The following MFSD6 variants were observed in gnomAD, a reference collection of about 807,000 sequenced individuals.
MFSD6 encodes the protein major facilitator superfamily domain-containing protein 6.
A neutral mutation model predicts 56.3 loss-of-function variants in MFSD6; 26 were observed. That is an observed-to-expected ratio of 0.46 (90% CI 0.34 to 0.64). The LOEUF is 0.64. Among genes scored for constraint, MFSD6 ranks in the 30% least tolerant of loss-of-function variants. The pLI is 0.01. For synonymous variants in MFSD6, 331 were observed against 366.9 expected (o/e 0.90, Z 1.12); for missense variants, 750 against 986.2 (o/e 0.76, Z 3.21).
chr2:190,460,870 A>G (rs574685131), intron 3 of MFSD6, among the ~76,000 whole-genome samples: 1 of 152,302 alleles, frequency 6.6e-6, no homozygotes, highest in South Asian at 2.1e-4. Context: ...ATGTTTTATA[A>G]TAGAATCTTC....
intron 4 of MFSD6, among the ~76,000 whole-genome samples, chr2:190,474,281 G>A (rs537279157): frequency 6.6e-6 from 1 of 152,232 alleles, no homozygotes; most frequent in South Asian, 2.1e-4. Context: ...CCAGGAGCTG[G>A]TTTTTTGAAA....
At position 190,454,517 on chromosome 2, in the gene MFSD6, CTT is replaced by C. The variant is rs1390835614; in HGVS notation, c.1533-15237_1533-15236del. On this transcript the variant is annotated intron_variant, in intron 3 of 7. Transcript: ENST00000392328. This position sits in a 1 kb window ranked among gnomAD's most constrained non-coding sequence, Gnocchi z 4.6. ...CTAGAGAGCTTGCTTGTGTACGACT[CTT>C]TTTCTCTTTCTTTACCCTTCCCTCT... 6.6e-6 allele frequency: 1 copy of C among 152,162 alleles called. No homozygotes were observed. The highest frequency in any genetic ancestry group is 1.5e-5 in the Non-Finnish European group (1 of 68,112). The allele number at this position is 152,162 out of a possible 1,614,324, so 9.4% of individuals were successfully genotyped here.
chr2:190,437,684 A>C lies in MFSD6; in HGVS notation c.1532+123A>C. 1 of 1,170,576 alleles carries C rather than the reference A, an allele frequency of 8.5e-7. No homozygotes were observed. Among genetic ancestry groups the C allele is most frequent in the Non-Finnish European group, 1.2e-6 (1 of 851,034 alleles). 72.5% of individuals were successfully genotyped at this position (1,170,576 alleles called of 1,614,324 possible). On this transcript the variant is annotated intron_variant, in intron 3 of 7. Coordinates refer to ENST00000392328, the MANE Select transcript of MFSD6 (RefSeq NM_017694.4). This position sits in a 1 kb window ranked among gnomAD's most constrained non-coding sequence, Gnocchi z 5.9. The stretch of plus-strand genomic sequence containing the variant: ...GTGTTGAGGATAGGGTTGGAGTGGA[A>C]ATGGGGATTTCTGTTTCTTTTCCTC...
intron 3 of MFSD6, chr2:190,464,860 G>C (rs769355030): frequency 6.5e-5 from 51 of 779,026 alleles, no homozygotes; most frequent in Non-Finnish European, 7.7e-5. Context: ...CTTAATAAAT[G>C]TTTATTGAGC....
At position 190,488,862 on chromosome 2, in the gene MFSD6, C is replaced by T. The variant is rs1167909746; in HGVS notation, c.1792+44C>T. 2.0e-6 allele frequency: 3 copies of T among 1,482,174 alleles called. No homozygotes were observed. The highest frequency in any genetic ancestry group is 2.7e-6 in the Non-Finnish European group (3 of 1,111,542). The allele number at this position is 1,482,174 out of a possible 1,614,324, so 91.8% of individuals were successfully genotyped here. A position where few individuals can be genotyped will look rare whatever the true frequency, so the allele number is the denominator to read the frequency against. The stretch of plus-strand genomic sequence containing the variant: ...TTTTTTTTCTTTTCTATTATTAAAA[C>T]ATGATTTTTTCCAGCAATACCTCAA... On this transcript the variant is annotated intron_variant, in intron 5 of 7. Coordinates refer to ENST00000392328, the MANE Select transcript of MFSD6 (RefSeq NM_017694.4). The surrounding 1 kb of genome is among the most constrained non-coding windows in gnomAD (Gnocchi z 6.4).
intron 4 of MFSD6, among the ~76,000 whole-genome samples, chr2:190,481,663 C>G (rs879710894): frequency 3.9e-5 from 6 of 152,208 alleles, no homozygotes; most frequent in Admixed American, 3.9e-4. Context: ...ATTTTCAAAG[C>G]CTAGCAGGCT....
At chr2:190,435,939 T>G in intron 2 of MFSD6, 38 bp from the exon 3 acceptor site, 2 of 1,469,142 alleles carry the variant, frequency 1.4e-6, no homozygotes, top group Non-Finnish European at 1.8e-6. Flanking sequence ...ATGTTATGAT[T>G]TTCATTACTA....
At chr2:190,476,196 G>A (rs1417962173) in intron 4 of MFSD6, among the ~76,000 whole-genome samples, 3 of 152,086 alleles carry the variant, frequency 2.0e-5, no homozygotes, top group African/African-American at 4.8e-5. Flanking sequence ...GGCAACAAAA[G>A]CCAAAATTGA....
chr2:190,445,518 G>A, intron 3 of MFSD6, among the ~76,000 whole-genome samples: 1 of 145,602 alleles, frequency 6.9e-6, no homozygotes, highest in African/African-American at 2.5e-5. Flanking sequence ...TTCTGACTCT[G>A]CCAGCCTTTC....
chr2:190,473,741 C>T (rs1688099544), intron 4 of MFSD6, among the ~76,000 whole-genome samples: 1 of 152,202 alleles, frequency 6.6e-6, no homozygotes, highest in South Asian at 2.1e-4. Flanking sequence ...CTACAGAACT[C>T]TCCACCCCAA....
intron 2 of MFSD6, among the ~76,000 whole-genome samples, chr2:190,421,735 ATT>A (rs397758029): frequency 1.3e-5 from 2 of 151,176 alleles, no homozygotes; most frequent in South Asian, 4.2e-4. Context: ...TAAAAAAAAA[ATT>A]TTTTTTAAAG....
chr2:190,427,516 A>T (rs761917638), intron 2 of MFSD6, among the ~76,000 whole-genome samples: 3 of 152,072 alleles, frequency 2.0e-5, no homozygotes, highest in Non-Finnish European at 2.9e-5. Context: ...ACCTATCTTC[A>T]CCCATCAGTA....
In MFSD6 at chr2:190,424,599, G is replaced by T. The variant is rs1168962750; in HGVS notation, c.-54+9186G>T. On this transcript the variant is annotated intron_variant, in intron 2 of 7. Transcript: ENST00000392328. The surrounding 1 kb of genome is among the most constrained non-coding windows in gnomAD (Gnocchi z 5.9). ...ATCCGTCCACCTCGGCCACCAAAGT[G>T]CTGGGATTACAGGCGTGAGCCACTG... 6.6e-6 allele frequency among the ~76,000 whole-genome samples: 1 copy of T among 152,162 alleles called. No homozygotes were observed. Among genetic ancestry groups the T allele is most frequent in the Non-Finnish European group, 1.5e-5 (1 of 68,036 alleles).
In MFSD6 at chr2:190,418,384, G is replaced by A. The variant is rs1690876588; in HGVS notation, c.-54+2971G>A. 6.6e-6 allele frequency among the ~76,000 whole-genome samples: 1 copy of A among 152,162 alleles called. No homozygotes were observed. Among genetic ancestry groups the A allele is most frequent in the Admixed American group, 6.5e-5 (1 of 15,272 alleles). The stretch of plus-strand genomic sequence containing the variant: ...GAAGTGCAAATATGTTGTCAAGATG[G>A]GGCAACCAAGGTTGTGAATCAGCTT... On this transcript the variant is annotated intron_variant, in intron 2 of 7. Coordinates refer to ENST00000392328, the MANE Select transcript of MFSD6 (RefSeq NM_017694.4). The surrounding 1 kb of genome is among the most constrained non-coding windows in gnomAD (Gnocchi z 4.1).
At chr2:190,408,719 G>A (rs943874857) in intron 1 of MFSD6, among the ~76,000 whole-genome samples, 2 of 147,470 alleles carry the variant, frequency 1.4e-5, no homozygotes, top group African/African-American at 5.2e-5. Context: ...CCCTCCCCCG[G>A]CTTCCGTGTC....
intron 4 of MFSD6, among the ~76,000 whole-genome samples, chr2:190,482,787 G>A (rs990137082): frequency 5.5e-4 from 82 of 147,974 alleles, no homozygotes; most frequent in Non-Finnish European, 1.1e-3. Context: ...GTGTTATAAG[G>A]TATTTGGGGC....
chr2:190,453,282 G>A lies in MFSD6; in HGVS notation c.1532+15721G>A, dbSNP rs542074795. ...CCAAGGAGAAGAACCCAGGAAGAGA[G>A]GTGTGGGCTCTGGGTAGGGGAAGAG... On this transcript the variant is annotated intron_variant, in intron 3 of 7. Coordinates refer to ENST00000392328, the MANE Select transcript of MFSD6 (RefSeq NM_017694.4). Among the ~76,000 whole-genome samples, 4 of 152,180 alleles carry A rather than the reference G, an allele frequency of 2.6e-5. No homozygotes were observed. The South Asian group carries it at 8.3e-4, about 32-fold the overall frequency.
intron 4 of MFSD6, among the ~76,000 whole-genome samples, chr2:190,478,758 AT>A (rs1390658273): frequency 6.6e-6 from 1 of 151,732 alleles, no homozygotes; most frequent in African/African-American, 2.4e-5. Context: ...GTCTTTCATC[AT>A]TGGGCATCTT....
In MFSD6 at chr2:190,451,267, G is replaced by A. The variant is rs1193287275; in HGVS notation, c.1532+13706G>A. ...TTTGTTAAGCCTCAGGTTCCTCATT[G>A]GTAAAACGGGGCAATAATTATACCT... On this transcript the variant is annotated intron_variant, in intron 3 of 7. Coordinates refer to ENST00000392328, the MANE Select transcript of MFSD6 (RefSeq NM_017694.4). This position sits in a 1 kb window ranked among gnomAD's most constrained non-coding sequence, Gnocchi z 5.0. Among the ~76,000 whole-genome samples, 3 of 152,134 alleles carry A rather than the reference G, an allele frequency of 2.0e-5. No homozygotes were observed. The highest frequency in any genetic ancestry group is 4.4e-5 in the Non-Finnish European group (3 of 68,020).
Sources: gnomAD v4.1 joint callset for allele counts (sites outside exome capture counted in the v4.1 genomes callset) on GRCh38, gnomAD v4.1.1 for gene constraint, Gnocchi (gnomAD v3.1) non-coding constraint, MANE v1.5 for transcripts, NCBI Gene and HGNC (gene_info 2026-07-23, HGNC 2026-07-21) for gene names.